Variants in CFAP299 observed in about 807,000 individuals in gnomAD.
CFAP299 encodes cilia and flagella associated protein 299.
In CFAP299, 21 loss-of-function variants were observed where a neutral mutation model predicts 27.0. The ratio of observed to expected loss-of-function variants is 0.78; its 90% CI spans 0.55 to 1.12. CFAP299 has a LOEUF of 1.12. Ranked by LOEUF, CFAP299 falls within the 50% of genes most tolerant of loss-of-function variation. The pLI, the probability that CFAP299 is intolerant of heterozygous loss-of-function variation, is 0.00. For missense variants in CFAP299, 310 were observed against 276.6 expected, an observed-to-expected ratio of 1.12 and a Z score of -0.86; for synonymous variants, 104 against 98.1, an observed-to-expected ratio of 1.06 and a Z score of -0.36.
At chr4:80,743,632 T>A (rs972124477) in intron 3 of CFAP299, among the ~76,000 whole-genome samples, 3 of 152,142 alleles carry the variant, frequency 2.0e-5, no homozygotes, top group African/African-American at 7.2e-5. Context: ...TGAGTAGAAT[T>A]GAAATCTATA....
chr4:80,620,893 A>G (rs980387326), intron 3 of CFAP299, among the ~76,000 whole-genome samples: 2 of 152,144 alleles, frequency 1.3e-5, no homozygotes, highest in African/African-American at 4.8e-5. Context: ...TTGGTTTATG[A>G]TGAAAACTAA....
chr4:80,366,636 A>G (rs745842293), intron 2 of CFAP299, among the ~76,000 whole-genome samples: 2 of 152,184 alleles, frequency 1.3e-5, no homozygotes, highest in Non-Finnish European at 2.9e-5. Flanking sequence ...GGAATGGAAA[A>G]TGGAAAACAG....
intron 2 of CFAP299, among the ~76,000 whole-genome samples, chr4:80,469,810 T>G (rs1386714592): frequency 1.3e-5 from 2 of 152,190 alleles, no homozygotes; most frequent in Non-Finnish European, 2.9e-5. Flanking sequence ...ATTAATATTG[T>G]AAGTCTTCTT....
At chr4:80,774,226 A>G (rs1237929240) in intron 3 of CFAP299, among the ~76,000 whole-genome samples, 1 of 151,986 alleles carries the variant, frequency 6.6e-6, no homozygotes, top group African/African-American at 2.4e-5. Flanking sequence ...GAAGACTTCA[A>G]ATAGCTATAA....
At chr4:80,674,203 T>G (rs1240622946) in intron 3 of CFAP299, among the ~76,000 whole-genome samples, 2 of 152,152 alleles carry the variant, frequency 1.3e-5, no homozygotes, top group Non-Finnish European at 2.9e-5. Flanking sequence ...AGGAGCTCTT[T>G]TAGGGCAGGC....
chr4:80,624,455 AG>A (rs1481553139), intron 3 of CFAP299, among the ~76,000 whole-genome samples: 3 of 151,986 alleles, frequency 2.0e-5, no homozygotes, highest in East Asian at 3.9e-4. Context: ...GGAGAAAAAA[AG>A]AAATATAAAT....
At chr4:80,592,999 T>C (rs758623705) in intron 3 of CFAP299, among the ~76,000 whole-genome samples, 31 of 152,190 alleles carry the variant, frequency 2.0e-4, no homozygotes, top group Non-Finnish European at 3.4e-4. Context: ...GAAACAATAT[T>C]ATGTTTATTT....
chr4:80,585,839 A>T (rs1411431603), intron 3 of CFAP299, among the ~76,000 whole-genome samples: 2 of 152,184 alleles, frequency 1.3e-5, no homozygotes, highest in Non-Finnish European at 2.9e-5. Flanking sequence ...GGGATAAATA[A>T]ATGACAGAAT....
intron 2 of CFAP299, among the ~76,000 whole-genome samples, chr4:80,382,216 A>G (rs143679139): frequency 1.1e-3 from 169 of 152,340 alleles, no homozygotes; most frequent in African/African-American, 3.6e-3. Flanking sequence ...CTGGAAGACA[A>G]CCTAGGCAAT....
chr4:80,478,330 C>A (rs1376373982), intron 2 of CFAP299, among the ~76,000 whole-genome samples: 2 of 152,092 alleles, frequency 1.3e-5, no homozygotes, highest in Admixed American at 1.3e-4. Context: ...ATTCCACTTA[C>A]CCCACAGACT....
At chr4:80,800,242 A>C (rs372871232) in intron 3 of CFAP299, among the ~76,000 whole-genome samples, 18 of 73,700 alleles carry the variant, frequency 2.4e-4, no homozygotes, top group African/African-American at 6.2e-4. Context: ...AAATAATATA[A>C]TATATAATAT....
intron 3 of CFAP299, among the ~76,000 whole-genome samples, chr4:80,789,501 C>A (rs138147663): frequency 6.6e-6 from 1 of 151,886 alleles, no homozygotes; most frequent in Admixed American, 6.6e-5. Context: ...AATTACTAGA[C>A]GATTTTGTTA....
At chr4:80,334,114 A>G (rs1722034717), upstream of CFAP299, among the ~76,000 whole-genome samples, 1 of 152,236 alleles carries the variant, frequency 6.6e-6, no homozygotes, top group Admixed American at 6.5e-5. Flanking sequence ...AGACTCATTG[A>G]CTGAAAATAA....
At chr4:80,580,629 A>T (rs1736113497) in intron 2 of CFAP299, among the ~76,000 whole-genome samples, 1 of 152,042 alleles carries the variant, frequency 6.6e-6, no homozygotes, top group Admixed American at 6.6e-5. Context: ...GAATTTGCTC[A>T]GAAATTCTTT....
chr4:80,882,379 C>T (rs992681172), intron 4 of CFAP299, among the ~76,000 whole-genome samples: 2 of 152,212 alleles, frequency 1.3e-5, no homozygotes, highest in South Asian at 4.1e-4. Flanking sequence ...TGGCTCACTC[C>T]TGTAATCCCA....
At chr4:80,946,586 A>G (rs564638077) in intron 5 of CFAP299, among the ~76,000 whole-genome samples, 28 of 152,224 alleles carry the variant, frequency 1.8e-4, no homozygotes, top group Non-Finnish European at 3.8e-4. Flanking sequence ...ATTCTGAGAC[A>G]GGGAGAAGAG....
intron 3 of CFAP299, among the ~76,000 whole-genome samples, chr4:80,600,687 T>TTTGTTG (rs905142072): frequency 6.6e-6 from 1 of 152,050 alleles, no homozygotes; most frequent in Non-Finnish European, 1.5e-5. Context: ...AGGTCAGTTT[T>TTTGTTG]TTGTTGTTGT....
intron 2 of CFAP299, among the ~76,000 whole-genome samples, chr4:80,414,394 G>A (rs1383594554): frequency 2.6e-5 from 4 of 152,068 alleles, no homozygotes; most frequent in African/African-American, 9.7e-5. Flanking sequence ...AGTGAGACGT[G>A]TCTGGAAAAC....
intron 3 of CFAP299, among the ~76,000 whole-genome samples, chr4:80,716,232 A>G (rs1205108878): frequency 6.6e-6 from 1 of 152,002 alleles, no homozygotes; most frequent in East Asian, 1.9e-4. Flanking sequence ...TTCCATGTGG[A>G]TATCTTGCTT....
Sources: allele counts gnomAD v4.1 joint callset (sites outside exome capture counted in the v4.1 genomes callset), GRCh38; gene constraint gnomAD v4.1.1; transcripts MANE v1.5; gene names NCBI Gene and HGNC (gene_info 2026-07-23, HGNC 2026-07-21).